The following HP1BP3 variants were observed in gnomAD, a reference collection of about 807,000 sequenced individuals.
HP1BP3 encodes the protein heterochromatin protein 1 binding protein 3.
HP1BP3 carries 12 observed loss-of-function variants against 62.5 expected under a neutral mutation model. That is an observed-to-expected ratio of 0.19 (90% CI 0.12 to 0.31). The LOEUF is 0.31. Ranked by LOEUF, HP1BP3 falls within the 10% of genes least tolerant of loss-of-function variation. The pLI is 1.00. For missense variants in HP1BP3, 502 were observed against 651.8 expected (o/e 0.77, Z 2.50); for synonymous variants, 260 against 237.8 (o/e 1.09, Z -0.86).
chr1:20,746,319 AAGT>A (rs2055332053), intron 11 of HP1BP3, among the ~76,000 whole-genome samples: 2 of 151,922 alleles, frequency 1.3e-5, no homozygotes, highest in Non-Finnish European at 2.9e-5. Flanking sequence ...TCACCTTCCC[AAGT>A]AGTTAGGACT....
intron 6 of HP1BP3, among the ~76,000 whole-genome samples, chr1:20,770,648 C>A (rs1013374226): frequency 6.6e-6 from 1 of 152,102 alleles, no homozygotes; most frequent in Non-Finnish European, 1.5e-5. Flanking sequence ...GGATTCCTTA[C>A]CTCTTTTTCA....
chr1:20,762,298 C>G (rs1013361474), intron 8 of HP1BP3, among the ~76,000 whole-genome samples: 4 of 152,104 alleles, frequency 2.6e-5, no homozygotes, highest in African/African-American at 9.7e-5. Flanking sequence ...CATCCATTAT[C>G]AGGTAAATTT....
chr1:20,784,601 T>C (rs151040842), intron 1 of HP1BP3, among the ~76,000 whole-genome samples: 3 of 150,260 alleles, frequency 2.0e-5, no homozygotes, highest in South Asian at 4.3e-4. Flanking sequence ...CTCAGCCTCC[T>C]GAGTAGCTGG....
intron 3 of HP1BP3, among the ~76,000 whole-genome samples, chr1:20,777,808 G>C (rs984495083): frequency 2.6e-5 from 4 of 152,152 alleles, no homozygotes; most frequent in Non-Finnish European, 5.9e-5. Context: ...AATCACATAA[G>C]TACAATTCTA....
intron 9 of HP1BP3, 158 bp from the exon 10 acceptor site, chr1:20,750,040 C>T: frequency 7.2e-7 from 1 of 1,390,680 alleles, no homozygotes; most frequent in Non-Finnish European, 9.4e-7. Context: ...TCCCATTCAA[C>T]AGGTATTCAA....
intron 11 of HP1BP3, among the ~76,000 whole-genome samples, 195 bp from the exon 12 acceptor site, chr1:20,745,851 G>A (rs1014491485): frequency 8.5e-5 from 13 of 152,112 alleles, no homozygotes; most frequent in Non-Finnish European, 1.3e-4. Flanking sequence ...ATCTATAAAA[G>A]TCCTGCACCA....
intron 9 of HP1BP3, among the ~76,000 whole-genome samples, chr1:20,752,947 G>T (rs552905465): frequency 6.8e-6 from 1 of 147,854 alleles, no homozygotes; most frequent in South Asian, 2.1e-4. Flanking sequence ...CTTGGAACAC[G>T]TTTTTTTTTT....
chr1:20,769,851 A>G (rs1369222883), intron 6 of HP1BP3, among the ~76,000 whole-genome samples: 1 of 152,250 alleles, frequency 6.6e-6, no homozygotes, highest in Non-Finnish European at 1.5e-5. Flanking sequence ...TGTGCAATTA[A>G]GTACTAGTTG....
At chr1:20,751,600 G>A (rs1293425511) in intron 9 of HP1BP3, among the ~76,000 whole-genome samples, 1 of 152,022 alleles carries the variant, frequency 6.6e-6, no homozygotes, top group Non-Finnish European at 1.5e-5. Flanking sequence ...CGGCATGCCT[G>A]TAGCCTACCT....
intron 8 of HP1BP3, among the ~76,000 whole-genome samples, chr1:20,759,521 T>C (rs1042005168): frequency 1.1e-4 from 17 of 152,222 alleles, no homozygotes; most frequent in Admixed American, 1.0e-3. Flanking sequence ...CCTTCTGTCA[T>C]GTGAGGATAC....
At chr1:20,754,982 G>T (rs528176636) in intron 9 of HP1BP3, among the ~76,000 whole-genome samples, 1 of 151,966 alleles carries the variant, frequency 6.6e-6, no homozygotes, top group Non-Finnish European at 1.5e-5. Context: ...AAAAGTAAAC[G>T]CTTCAAAAGA....
rs766003282 is a variant in HP1BP3, at chr1:20,779,934, T to C, written c.97-23A>G. ...CTTCTAAGAAAAGAGATGGCCATAATCAAACATGCATTAAAAAATTCTCTT... is the reference window on the plus strand; with the variant it reads ...CTTCTAAGAAAAGAGATGGCCATAACCAAACATGCATTAAAAAATTCTCTT... On this transcript the variant is annotated intron_variant, in intron 2 of 12. Transcript: ENST00000438032. The C allele has an allele frequency of 2.4e-5, 37 of 1,570,712 alleles. No individual in the cohort carries two copies. In the East Asian group the frequency reaches 8.1e-4, roughly 34 times the overall value.
intron 1 of HP1BP3, among the ~76,000 whole-genome samples, chr1:20,784,584 C>T (rs565284005): frequency 6.7e-6 from 1 of 148,492 alleles, no homozygotes; most frequent in Non-Finnish European, 1.5e-5. Context: ...TCACGCCATT[C>T]TCCTGCCTCA....
At chr1:20,764,350 GTTTT>G (rs113729006) in intron 8 of HP1BP3, among the ~76,000 whole-genome samples, 1 of 145,310 alleles carries the variant, frequency 6.9e-6, no homozygotes, top group Non-Finnish European at 1.5e-5. Flanking sequence ...TACTCTTATG[GTTTT>G]TTTTTTGAGA....
At position 20,758,352 on chromosome 1, in the gene HP1BP3, CTT is replaced by C. The variant is rs71716877; in HGVS notation, c.891-1098_891-1097del. 1.8e-4 allele frequency among the ~76,000 whole-genome samples: 26 copies of C among 146,656 alleles called. No individual in the cohort carries two copies. The Admixed American group carries it at 1.8e-3, about 10-fold the overall frequency. On this transcript the variant is annotated intron_variant, in intron 8 of 12. Transcript: ENST00000438032. Reference sequence around the variant, plus strand: ...CTTAAACCCTATGGGTTAAACACTCCTTTTTTTTTTTGAGACGCATTCTCCCT... The same window carrying C: ...CTTAAACCCTATGGGTTAAACACTCCTTTTTTTTTGAGACGCATTCTCCCT...
At chr1:20,748,047 C>A (rs2055451328) in intron 10 of HP1BP3, among the ~76,000 whole-genome samples, 1 of 151,638 alleles carries the variant, frequency 6.6e-6, no homozygotes. Flanking sequence ...CATTAGAGAC[C>A]ATTGAGTCAA....
chr1:20,759,061 T>C (rs754453361), intron 8 of HP1BP3, among the ~76,000 whole-genome samples: 4 of 152,112 alleles, frequency 2.6e-5, no homozygotes, highest in Non-Finnish European at 5.9e-5. Flanking sequence ...CATTTGAACA[T>C]GGACTGGGTA....
chr1:20,784,083 C>T (rs947866618), intron 1 of HP1BP3, among the ~76,000 whole-genome samples: 8 of 152,158 alleles, frequency 5.3e-5, no homozygotes, highest in Non-Finnish European at 1.0e-4. Flanking sequence ...GACTCTCCCA[C>T]CTTAGTCTCC....
At chr1:20,779,708 C>T in intron 3 of HP1BP3, 104 bp downstream of exon 3, 1 of 572,614 alleles carries the variant, frequency 1.7e-6, no homozygotes, top group East Asian at 3.2e-5. Flanking sequence ...AACACTTAGC[C>T]ATGAAAAAAA....
Sources: gnomAD v4.1 joint callset for allele counts (sites outside exome capture counted in the v4.1 genomes callset) on GRCh38, gnomAD v4.1.1 for gene constraint, MANE v1.5 for transcripts, NCBI Gene and HGNC (gene_info 2026-07-23, HGNC 2026-07-21) for gene names.